The following SDK2 variants were observed in gnomAD, a reference collection of about 807,000 sequenced individuals.
SDK2 encodes sidekick cell adhesion molecule 2, also known as protein sidekick-2.
In SDK2, 105 loss-of-function variants were observed where a neutral mutation model predicts 253.9. The observed-to-expected ratio is 0.41, with a 90% CI of 0.35 to 0.49. The LOEUF is 0.49. SDK2 is among the 20% of genes least tolerant of loss of function. The pLI, the probability that SDK2 is intolerant of heterozygous loss-of-function variation, is 0.06. For missense variants in SDK2, 2,608 were observed against 3,003.0 expected (o/e 0.87, Z 3.07); for synonymous variants, 1,249 against 1,234.9 (o/e 1.01, Z -0.24).
Position 73,643,824 on chromosome 17 carries a change from C to T in SDK2, c.64+201G>A, listed in dbSNP as rs2046428165. ...CCCACCTTCCCCCATTCGGAAGCCACAAGTCTCGGAGAGACTGCCCCACCC... is the reference window on the plus strand; with the variant it reads ...CCCACCTTCCCCCATTCGGAAGCCATAAGTCTCGGAGAGACTGCCCCACCC... On this transcript the variant is annotated intron_variant, in intron 1 of 44. Transcript: ENST00000392650. This position sits in a 1 kb window ranked among gnomAD's most constrained non-coding sequence, Gnocchi z 6.9. Among the ~76,000 whole-genome samples the T allele has an allele frequency of 6.6e-6, 1 of 152,090 alleles. No individual in the cohort carries two copies. Among genetic ancestry groups the T allele is most frequent in the African/African-American group, 2.4e-5 (1 of 41,428 alleles).
chr17:73,422,468 T>A lies in SDK2; in HGVS notation c.1898-34A>T, dbSNP rs772190434. On this transcript the variant is annotated intron_variant, in intron 14 of 44. Transcript: ENST00000392650. ...ACAGTGAGTGGGGCAGAAGTGGGTA[T>A]CTTGGGTGGGATGAAGCATGCTTCT... 4 of 1,604,648 alleles carry A rather than the reference T, an allele frequency of 2.5e-6. No individual in the cohort carries two copies. The South Asian group carries it at 3.3e-5, about 13-fold the overall frequency.
In SDK2 at chr17:73,358,187, C is replaced by T; in HGVS notation, c.5485G>A (p.Gly1829Ser). ...CTGTACCGCACGATGATGGGCACGC[C>T]AGGCGGTCCTGGGGCACCTGCAGAC... Reference protein sequence around the residue: ...GPGEGAPGPPGVPIIVRYSSA... With the variant: ...GPGEGAPGPPSVPIIVRYSSA... The change falls in exon 40 of 45, where the codon GGC becomes AGC. Residue 1829 changes from glycine (G) to serine (S), a missense_variant. Around this residue, in one of 2 missense-constraint regions of SDK2, gnomAD observed 1,103 missense variants for 1,143.9 expected, o/e 0.96. Coordinates refer to ENST00000392650, the MANE Select transcript of SDK2 (RefSeq NM_001144952.2). The T allele has an allele frequency of 6.2e-7, 1 of 1,606,626 alleles. No homozygotes were observed. The highest frequency in any genetic ancestry group is 1.1e-5 in the South Asian group (1 of 89,896).
intron 5 of SDK2, among the ~76,000 whole-genome samples, chr17:73,446,786 T>C (rs949995818): frequency 1.3e-5 from 2 of 152,142 alleles, no homozygotes; most frequent in African/African-American, 4.8e-5. Context: ...GAGGAAGCTC[T>C]GGCCTCGCCC....
At chr17:73,489,262 T>C (rs773459736) in intron 2 of SDK2, among the ~76,000 whole-genome samples, 3 of 152,082 alleles carry the variant, frequency 2.0e-5, no homozygotes, top group African/African-American at 7.2e-5. Flanking sequence ...ACGAAGACAA[T>C]AGTGGTCAGT....
At position 73,398,313 on chromosome 17, in the gene SDK2, T is replaced by TC; in HGVS notation, c.3203+6dup. On this transcript the variant is annotated splice_region_variant and intron_variant, in intron 23 of 44. Coordinates refer to ENST00000392650, the MANE Select transcript of SDK2 (RefSeq NM_001144952.2). ...CTGCTGCCTTCTCCCCGGGCCAGTC[T>TC]CATTACCTGTAGCAGGTGAAGGGGT... 6.2e-7 allele frequency: 1 copy of TC among 1,613,108 alleles called. No homozygotes were observed. Among genetic ancestry groups the TC allele is most frequent in the African/African-American group, 1.3e-5 (1 of 74,996 alleles).
intron 1 of SDK2, among the ~76,000 whole-genome samples, chr17:73,590,718 G>C (rs1702813): frequency 6.6e-6 from 1 of 152,166 alleles, no homozygotes; most frequent in Non-Finnish European, 1.5e-5. Flanking sequence ...GCTGTGCATG[G>C]AATTGAGGCC....
At chr17:73,461,262 G>C (rs1244622683) in intron 3 of SDK2, among the ~76,000 whole-genome samples, 2 of 152,262 alleles carry the variant, frequency 1.3e-5, no homozygotes, top group Admixed American at 6.5e-5. Context: ...AGCCCCTACT[G>C]TGGGCCAGGT....
At chr17:73,521,799 G>A (rs571488207) in intron 1 of SDK2, among the ~76,000 whole-genome samples, 12 of 152,268 alleles carry the variant, frequency 7.9e-5, no homozygotes, top group African/African-American at 1.9e-4. Flanking sequence ...CTCCTGGCGC[G>A]TACCAGGAAG....
At chr17:73,640,494 G>C (rs2046385618) in intron 1 of SDK2, among the ~76,000 whole-genome samples, 2 of 152,030 alleles carry the variant, frequency 1.3e-5, no homozygotes, top group Admixed American at 6.6e-5. Context: ...GGAGAGCAGG[G>C]ACACCCCCAT....
chr17:73,585,882 A>C (rs1034954993), intron 1 of SDK2, among the ~76,000 whole-genome samples: 1 of 152,162 alleles, frequency 6.6e-6, no homozygotes, highest in Admixed American at 6.5e-5. Context: ...TAACATAAAG[A>C]CTGGAAAGAC....
chr17:73,425,947 C>T (rs990859975), intron 12 of SDK2, among the ~76,000 whole-genome samples: 6 of 152,116 alleles, frequency 3.9e-5, no homozygotes, highest in South Asian at 2.1e-4. Context: ...CCACGGCAAG[C>T]GGTCAGTAAC....
At chr17:73,423,335 C>G in intron 14 of SDK2, 51 bp downstream of exon 14, 1 of 1,342,026 alleles carries the variant, frequency 7.5e-7, no homozygotes, top group Non-Finnish European at 9.7e-7. Flanking sequence ...GGGCTGACTC[C>G]TAAGTCCAAG....
At chr17:73,368,697 C>T in intron 36 of SDK2, 104 bp from the exon 37 acceptor site, 1 of 1,032,924 alleles carries the variant, frequency 9.7e-7, no homozygotes, top group Non-Finnish European at 1.4e-6. Context: ...TGCTGTGAGT[C>T]ACCTGGGAAA....
At chr17:73,456,157 C>G (rs1340316701) in intron 3 of SDK2, 104 bp from the exon 4 acceptor site, 1 of 1,296,110 alleles carries the variant, frequency 7.7e-7, no homozygotes, top group Non-Finnish European at 1.0e-6. Flanking sequence ...AAATTCGGGG[C>G]AGACAGGATG....
intron 1 of SDK2, among the ~76,000 whole-genome samples, chr17:73,573,548 T>A (rs577653441): frequency 7.2e-5 from 11 of 152,198 alleles, no homozygotes; most frequent in African/African-American, 2.7e-4. Flanking sequence ...GCTCGGCACA[T>A]CCTGCTGGCT....
At chr17:73,405,268 C>T (rs79985477) in intron 18 of SDK2, among the ~76,000 whole-genome samples, 13 of 21,728 alleles carry the variant, frequency 6.0e-4, no homozygotes, top group African/African-American at 9.0e-4. Flanking sequence ...TGTGAAACCC[C>T]GTCTCTACTA....
At chr17:73,608,503 C>T (rs759912816) in intron 1 of SDK2, among the ~76,000 whole-genome samples, 2 of 152,088 alleles carry the variant, frequency 1.3e-5, no homozygotes, top group African/African-American at 4.8e-5. Flanking sequence ...AGTGCAATGG[C>T]GCGATCTCGG....
chr17:73,596,736 G>A (rs535977387), intron 1 of SDK2, among the ~76,000 whole-genome samples: 51 of 152,228 alleles, frequency 3.4e-4, no homozygotes, highest in African/African-American at 1.1e-3. Context: ...GACCCTCCCA[G>A]CTCCACTCTG....
rs1178617934 is a variant in SDK2, at chr17:73,438,081, G to C, written c.799C>G (p.Arg267Gly). 9 of 1,551,552 alleles carry C rather than the reference G, an allele frequency of 5.8e-6. No individual in the cohort carries two copies. The East Asian group carries it at 1.5e-4, about 25-fold the overall frequency. The change falls in exon 7 of 45, where the codon CGC (arginine) becomes GGC (glycine). Residue 267 changes from arginine (R) to glycine (G), a missense_variant. Arg to Gly is a moderately radical substitution (Grantham distance 125). Around this residue, in one of 2 missense-constraint regions of SDK2, gnomAD observed 1,505 missense variants for 1,859.1 expected, o/e 0.81. Transcript: ENST00000392650. ...GTGGGGTTGGGGATGGTGAGCCGGC[G>C]GTTGTGGTCACTGATGCCGCCCGAC... ...LLSGGISDHNRRLTIPNPTGS... is the reference protein window; with the variant it reads ...LLSGGISDHNGRLTIPNPTGS...
Sources: gnomAD v4.1 joint callset for allele counts (sites outside exome capture counted in the v4.1 genomes callset) on GRCh38, gnomAD v4.1.1 for gene constraint, gnomAD v4.1.1 regional missense constraint, Gnocchi (gnomAD v3.1) non-coding constraint, MANE v1.5 for transcripts, NCBI Gene and HGNC (gene_info 2026-07-23, HGNC 2026-07-21) for gene names.